The following ADGRE2 variants were observed in gnomAD, a reference collection of about 807,000 sequenced individuals.
ADGRE2 encodes the protein CD97 antigen.
In ADGRE2, 83 loss-of-function variants were observed where a neutral mutation model predicts 100.8. That is an observed-to-expected ratio of 0.82 (90% confidence interval 0.69 to 0.99). ADGRE2 has a LOEUF of 0.99. Among genes scored for constraint, ADGRE2 ranks in the 50% least tolerant of loss-of-function variants. ADGRE2 has a pLI of 0.00. For synonymous variants in ADGRE2, 355 were observed against 413.0 expected (o/e 0.86, Z 1.70); for missense variants, 814 against 1,035.7 (o/e 0.79, Z 2.94).
chr19:14,777,684 C>A (rs1417727487), intron 1 of ADGRE2, among the ~76,000 whole-genome samples: 1 of 149,862 alleles, frequency 6.7e-6, no homozygotes, highest in East Asian at 2.0e-4. Flanking sequence ...GTGATGTTTC[C>A]CGCCCTGTGT....
rs556958859 is a variant in ADGRE2, at chr19:14,766,261, T to C, written c.608A>G (p.Asn203Ser). The C allele has an allele frequency of 6.3e-5, 102 of 1,614,046 alleles. No individual in the cohort carries two copies. The Middle Eastern group carries it at 8.2e-4, about 13-fold the overall frequency. Reference sequence around the variant, plus strand: ...TTCACAGACGGTATTGTTTGGGCCATTGGGGGACCCCGGAATCGGTTGCCA... The same window carrying C: ...TTCACAGACGGTATTGTTTGGGCCACTGGGGGACCCCGGAATCGGTTGCCA... Reference protein sequence around the residue: ...PGWQPIPGSPNGPNNTVCEDV... With the variant: ...PGWQPIPGSPSGPNNTVCEDV... The change falls in exon 7 of 21, where the codon AAT becomes AGT. Residue 203 changes from asparagine (N) to serine (S), a missense_variant. Coordinates refer to ENST00000315576, the MANE Select transcript of ADGRE2 (RefSeq NM_013447.4).
chr19:14,726,717 C>T, the ADGRE2 span, among the ~76,000 whole-genome samples: 1 of 152,174 alleles, frequency 6.6e-6, no homozygotes, highest in Non-Finnish European at 1.5e-5. Context: ...GGTCCTTTGC[C>T]AGGGAATAAC....
At chr19:14,724,475 GT>G in the ADGRE2 span, among the ~76,000 whole-genome samples, 1 of 152,146 alleles carries the variant, frequency 6.6e-6, no homozygotes, top group African/African-American at 2.4e-5. Flanking sequence ...CCATTAAAAA[GT>G]TTGTTTAAGC....
chr19:14,776,560 C>A, intron 2 of ADGRE2, 166 bp downstream of exon 2: 3 of 802,520 alleles, frequency 3.7e-6, no homozygotes, highest in Non-Finnish European at 6.0e-6. Flanking sequence ...GCCCAAGCAC[C>A]ACCAGCCCCT....
chr19:14,756,278 C>T lies in ADGRE2; in HGVS notation c.1152G>A (p.Met384Ile). The change falls in exon 12 of 21, where the codon ATG (methionine) becomes ATA (isoleucine). Residue 384 changes from methionine (M) to isoleucine (I), a missense_variant. Transcript: ENST00000315576. Reference sequence around the variant, plus strand: ...TCTGTGCCTGATTCCAGTCGAGCTGCATCACTGCCTGATTCTGTCTCAAGG... The same window carrying T: ...TCTGTGCCTGATTCCAGTCGAGCTGTATCACTGCCTGATTCTGTCTCAAGG... The part of the protein sequence containing the change: ...SVTLRQNQAV[M>I]QLDWNQAQKS... 1 of 1,614,146 alleles carries T rather than the reference C, an allele frequency of 6.2e-7. No homozygotes were observed. The highest frequency in any genetic ancestry group is 1.1e-5 in the South Asian group (1 of 91,082).
intron 5 of ADGRE2, among the ~76,000 whole-genome samples, chr19:14,770,629 G>A (rs901785567): frequency 2.0e-5 from 3 of 150,786 alleles, no homozygotes; most frequent in Non-Finnish European, 4.4e-5. Context: ...GGAGAGGAGA[G>A]GCTTTTCTGT....
intron 5 of ADGRE2, among the ~76,000 whole-genome samples, chr19:14,771,649 T>TTTA (rs1423074188): frequency 6.8e-6 from 1 of 146,224 alleles, no homozygotes; most frequent in East Asian, 2.0e-4. Context: ...TATTTATTTA[T>TTTA]TTATTTATTT....
At chr19:14,725,945 G>C in the ADGRE2 span, among the ~76,000 whole-genome samples, 1 of 152,206 alleles carries the variant, frequency 6.6e-6, no homozygotes, top group South Asian at 2.1e-4. Context: ...AGGGATTCTT[G>C]TGGGGGTACG....
chr19:14,740,299 T>C (rs1323672866), intron 20 of ADGRE2, among the ~76,000 whole-genome samples: 1 of 151,728 alleles, frequency 6.6e-6, no homozygotes, highest in East Asian at 1.9e-4. Context: ...GATCCTGTGT[T>C]GGAAACAGGG....
In ADGRE2 at chr19:14,736,198, C is replaced by T; in HGVS notation, c.*38G>A. 2 of 1,578,448 alleles carry T rather than the reference C, an allele frequency of 1.3e-6. No homozygotes were observed. Among genetic ancestry groups the T allele is most frequent in the Non-Finnish European group, 8.7e-7 (1 of 1,148,998 alleles). On this transcript the variant is annotated 3_prime_UTR_variant, in exon 21 of 21. Transcript: ENST00000315576. ...TGGCTCAAAGATTGTTCAGATTTTC[C>T]ACGGGCAAAGAGGGAAGATCTTATT...
At chr19:14,773,503 CTCTTTCTTTGTT>C (rs1160140714) in intron 4 of ADGRE2, among the ~76,000 whole-genome samples, 1 of 150,694 alleles carries the variant, frequency 6.6e-6, no homozygotes, top group Non-Finnish European at 1.5e-5. Context: ...CACACCTGGC[CTCTTTCTTTGTT>C]TCTTTCTTTT....
Position 14,766,370 on chromosome 19 carries a change from A to G in ADGRE2, c.499T>C (p.Cys167Arg), listed in dbSNP as rs149621907. The G allele has an allele frequency of 5.3e-4, 858 of 1,613,768 alleles. 1 individual carries two copies. Among genetic ancestry groups the G allele is most frequent in the African/African-American group, 4.9e-3 (367 of 74,992 alleles). The part of the protein sequence containing the change: ...DPKLCTDVNE[C>R]TSGQNPCHSS... ...TGGCATGGGTTTTGTCCGGAGGTGCATTCATTCACATCTGAGGACAAAGCC... is the reference window on the plus strand; with the variant it reads ...TGGCATGGGTTTTGTCCGGAGGTGCGTTCATTCACATCTGAGGACAAAGCC... The change falls in exon 7 of 21, where the codon TGC becomes CGC. Residue 167 changes from cysteine to arginine, a missense_variant. Physicochemically the swap from Cys to Arg is radical, Grantham distance 180. Coordinates refer to ENST00000315576, the MANE Select transcript of ADGRE2 (RefSeq NM_013447.4).
chr19:14,732,762 T>C lies in ADGRE2; in HGVS notation c.*3474A>G, dbSNP rs2042684948. On this transcript the variant is annotated 3_prime_UTR_variant, in exon 21 of 21. Coordinates refer to ENST00000315576, the MANE Select transcript of ADGRE2 (RefSeq NM_013447.4). ...ATGATCATTCATTTATGATTGTCTATAGCTGTTTTCATATCACAATGGAAG... is the reference window on the plus strand; with the variant it reads ...ATGATCATTCATTTATGATTGTCTACAGCTGTTTTCATATCACAATGGAAG... 2 of 152,270 alleles carry C rather than the reference T, an allele frequency of 1.3e-5. No homozygotes were observed. The highest frequency in any genetic ancestry group is 6.5e-5 in the Admixed American group (1 of 15,280). The allele number at this position is 152,270 out of a possible 1,614,324, so 9.4% of individuals were successfully genotyped here. A position where few individuals can be genotyped will look rare whatever the true frequency, so the allele number is the denominator to read the frequency against.
intron 13 of ADGRE2, 69 bp downstream of exon 13, chr19:14,755,585 T>G (rs2043470133): frequency 5.0e-6 from 7 of 1,403,996 alleles, no homozygotes; most frequent in East Asian, 2.3e-5. Context: ...GCCCCAGGGC[T>G]GAGCTGAGCA....
chr19:14,741,701 G>T, intron 20 of ADGRE2: 1 of 187,900 alleles, frequency 5.3e-6, no homozygotes, highest in Non-Finnish European at 1.1e-5. Flanking sequence ...TAGCCAGGAT[G>T]GTCTCGATCT....
Position 14,743,454 on chromosome 19 carries a change from C to T in ADGRE2, c.2429G>A (p.Ser810Asn), listed in dbSNP as rs1478658729. The T allele has an allele frequency of 1.2e-6, 2 of 1,614,152 alleles. No individual in the cohort carries two copies. The highest frequency in any genetic ancestry group is 2.2e-5 in the East Asian group (1 of 44,870). Residue 810 changes from serine to asparagine, a missense_variant, in exon 20 of 21, where the codon AGC becomes AAC. Physicochemically the swap from Ser to Asn is conservative, Grantham distance 46. This residue lies in a region of ADGRE2 where 569 missense variants were observed against 692.7 expected (regional missense o/e 0.82). Transcript: ENST00000315576. Reference protein sequence around the residue: ...KTESEMHTLSSSAKADTSKPS... With the variant: ...KTESEMHTLSNSAKADTSKPS... ...TTTGGAGGTGTCAGCCTTAGCACTG[C>T]TGGAGAGTGTGTGCATCTCAGACTC...
chr19:14,753,018 C>T (rs2043351133), intron 14 of ADGRE2, among the ~76,000 whole-genome samples: 1 of 152,046 alleles, frequency 6.6e-6, no homozygotes. Flanking sequence ...GATCCACCCG[C>T]CTCGGCCTCC....
chr19:14,743,472 T>A lies in ADGRE2; in HGVS notation c.2411A>T (p.Glu804Val). 1.2e-6 allele frequency: 2 copies of A among 1,614,178 alleles called. No homozygotes were observed. Among genetic ancestry groups the A allele is most frequent in the Non-Finnish European group, 1.7e-6 (2 of 1,180,036 alleles). Residue 804 changes from glutamate (E) to valine (V), a missense_variant, in exon 20 of 21, where the codon GAG becomes GTG. Transcript: ENST00000315576. ...KGIRKLKTES[E>V]MHTLSSSAKA... is the part of the protein sequence containing the mutation. Reference sequence around the variant, plus strand: ...AGCACTGCTGGAGAGTGTGTGCATCTCAGACTCAGTTTTCAATTTCCTGAT... The same window carrying A: ...AGCACTGCTGGAGAGTGTGTGCATCACAGACTCAGTTTTCAATTTCCTGAT...
At chr19:14,774,327 G>C (rs1185574418) in intron 2 of ADGRE2, 21 bp from the exon 3 acceptor site, 2 of 1,487,180 alleles carry the variant, frequency 1.3e-6, no homozygotes, top group Admixed American at 4.6e-5. Context: ...GAAAGGAAAG[G>C]GGGTCAGAGG....
Sources: allele counts gnomAD v4.1 joint callset (sites outside exome capture counted in the v4.1 genomes callset), GRCh38; gene constraint gnomAD v4.1.1; regional missense constraint gnomAD v4.1.1; transcripts MANE v1.5; gene names NCBI Gene and HGNC (gene_info 2026-07-23, HGNC 2026-07-21).